CPS1: variants seen among roughly 807,000 people sequenced by gnomAD.
CPS1 encodes carbamoyl-phosphate synthase [ammonia], mitochondrial.
In CPS1, 109 loss-of-function variants were observed where a neutral mutation model predicts 174.6. That is an observed-to-expected ratio of 0.62 (90% CI 0.53 to 0.73). The LOEUF is 0.73. Among genes scored for constraint, CPS1 ranks in the 30% least tolerant of loss-of-function variants. The probability of loss-of-function intolerance (pLI) is 0.00; values close to 1 mark genes in which losing one functional copy is unlikely to be tolerated. For missense variants in CPS1, 1,689 were observed against 1,821.9 expected (o/e 0.93, Z 1.33); for synonymous variants, 637 against 632.0 (o/e 1.01, Z -0.12).
At chr2:210,587,627 C>T (rs1159118967) in intron 6 of CPS1, among the ~76,000 whole-genome samples, 1 of 151,952 alleles carries the variant, frequency 6.6e-6, no homozygotes, top group Non-Finnish European at 1.5e-5. Context: ...TCAGCTTTAC[C>T]CCATTTGATC....
Position 210,631,023 on chromosome 2 carries a change from T to G in CPS1, c.2688-6679T>G, listed in dbSNP as rs1273835302. The stretch of plus-strand genomic sequence containing the variant: ...GTTTTTTTCTGCCTTTTGGAGTGTT[T>G]TTTTTTTTTTTTTAAAGAGGATAAT... On this transcript the variant is annotated intron_variant, in intron 21 of 37. Transcript: ENST00000233072. Among the ~76,000 whole-genome samples the G allele has an allele frequency of 2.0e-3, 303 of 149,256 alleles. 3 individuals are homozygous for G. The highest frequency in any genetic ancestry group is 2.4e-3 in the East Asian group (12 of 5,066).
At chr2:210,610,916 A>G (rs1699093622) in intron 19 of CPS1, among the ~76,000 whole-genome samples, 1 of 151,866 alleles carries the variant, frequency 6.6e-6, no homozygotes, top group Admixed American at 6.6e-5. Context: ...ATGGAGAGTT[A>G]CTTATAGAAC....
At chr2:210,647,839 T>G (rs1700427440) in intron 25 of CPS1, 24 bp from the exon 26 acceptor site, 2 of 1,612,752 alleles carry the variant, frequency 1.2e-6, no homozygotes, top group African/African-American at 1.3e-5. Context: ...TTCCAATGGC[T>G]GATATTGTGA....
intron 21 of CPS1, chr2:210,618,544 A>C (rs1394971799): frequency 1.3e-5 from 2 of 152,078 alleles, no homozygotes; most frequent in South Asian, 2.1e-4. Context: ...TTTCTTTTTG[A>C]AGTGTCATTG....
intron 33 of CPS1, among the ~76,000 whole-genome samples, chr2:210,666,444 G>T (rs1701100085): frequency 6.6e-6 from 1 of 151,650 alleles, no homozygotes; most frequent in Non-Finnish European, 1.5e-5. Context: ...TTCTTCTAGG[G>T]TTTTTATGGT....
intron 1 of CPS1, among the ~76,000 whole-genome samples, chr2:210,551,436 T>C (rs546264991): frequency 6.6e-6 from 1 of 152,156 alleles, no homozygotes; most frequent in Admixed American, 6.6e-5. Context: ...CTAACATGTC[T>C]ACTTGGTCTG....
intron 21 of CPS1, among the ~76,000 whole-genome samples, chr2:210,627,659 C>T (rs960014750): frequency 1.3e-5 from 2 of 152,198 alleles, no homozygotes; most frequent in Admixed American, 6.5e-5. Context: ...CGAGAGCACT[C>T]TCTCTCTAGA....
At chr2:210,556,242 A>C (rs1185825939), upstream of CPS1, 2 of 419,934 alleles carry the variant, frequency 4.8e-6, no homozygotes, top group African/African-American at 2.1e-5. Flanking sequence ...CCCAACAGAA[A>C]ATGGCAAGCG....
intron 13 of CPS1, among the ~76,000 whole-genome samples, chr2:210,597,365 A>G (rs1238379272): frequency 4.0e-5 from 6 of 151,888 alleles, no homozygotes; most frequent in Non-Finnish European, 2.9e-5. Flanking sequence ...GAGCCCTAAT[A>G]TTGCCACTTA....
intron 21 of CPS1, among the ~76,000 whole-genome samples, chr2:210,633,433 G>A (rs559677909): frequency 1.3e-5 from 2 of 151,966 alleles, no homozygotes; most frequent in Non-Finnish European, 2.9e-5. Context: ...TTTATTAGTA[G>A]GTAGAGGCAG....
chr2:210,589,982 T>C (rs1359191590), intron 7 of CPS1, 124 bp from the exon 8 acceptor site: 8 of 1,342,154 alleles, frequency 6.0e-6, no homozygotes, highest in Non-Finnish European at 8.4e-6. Flanking sequence ...GCATTATTTA[T>C]TTTAAATGTT....
In CPS1 at chr2:210,660,641, T is replaced by C; in HGVS notation, c.3913T>C (p.Tyr1305His). The change falls in exon 32 of 38, where the codon TAT becomes CAT. Residue 1305 changes from tyrosine to histidine, a missense_variant. Transcript: ENST00000233072. ...TLDHPIIPAD[Y>H]VAIKAPMFSW... Reference sequence around the variant, plus strand: ...GGACCATCCCATAATTCCTGCTGACTATGTTGCAATTAAGGTAACATTTTC... The same window carrying C: ...GGACCATCCCATAATTCCTGCTGACCATGTTGCAATTAAGGTAACATTTTC... The C allele has an allele frequency of 6.2e-7, 1 of 1,614,116 alleles. No individual in the cohort carries two copies. Among genetic ancestry groups the C allele is most frequent in the Non-Finnish European group, 8.5e-7 (1 of 1,179,962 alleles).
intron 1 of CPS1, among the ~76,000 whole-genome samples, chr2:210,547,002 G>C (rs895837582): frequency 6.6e-6 from 1 of 152,120 alleles, no homozygotes; most frequent in Admixed American, 6.6e-5. Flanking sequence ...AAAGAACACC[G>C]TAGTATAACT....
intron 1 of CPS1, among the ~76,000 whole-genome samples, chr2:210,504,356 T>A (rs372077977): frequency 2.0e-4 from 30 of 152,246 alleles, no homozygotes; most frequent in Admixed American, 1.6e-3. Flanking sequence ...AAGTCTTTTT[T>A]AAATTTTACA....
chr2:210,656,692 G>GT, intron 30 of CPS1, 60 bp downstream of exon 30: 14 of 1,132,244 alleles, frequency 1.2e-5, no homozygotes, highest in East Asian at 2.4e-5. Flanking sequence ...AAACACCTAA[G>GT]GTTTTTTTTT....
At chr2:210,558,111 G>A (rs974320803) in intron 1 of CPS1, among the ~76,000 whole-genome samples, 1 of 151,954 alleles carries the variant, frequency 6.6e-6, no homozygotes, top group East Asian at 1.9e-4. Flanking sequence ...CCTTAGTGGT[G>A]TGTTAACAAC....
intron 1 of CPS1, among the ~76,000 whole-genome samples, chr2:210,493,050 C>T (rs1694910102): frequency 2.0e-5 from 3 of 152,052 alleles, no homozygotes; most frequent in South Asian, 2.1e-4. Context: ...CTAATAATAC[C>T]GTGTTTTGGT....
At chr2:210,676,036 C>T (rs947182871) in intron 36 of CPS1, among the ~76,000 whole-genome samples, 196 bp downstream of exon 36, 4 of 152,176 alleles carry the variant, frequency 2.6e-5, no homozygotes, top group Non-Finnish European at 5.9e-5. Context: ...TGATATGAAA[C>T]GTGTTTCAAA....
At chr2:210,612,003 A>T in intron 19 of CPS1, 114 bp from the exon 20 acceptor site, 1 of 886,188 alleles carries the variant, frequency 1.1e-6, no homozygotes, top group Non-Finnish European at 1.8e-6. Context: ...AGGCTTTATG[A>T]TATATTTTTT....
Sources: gnomAD v4.1 joint callset for allele counts (sites outside exome capture counted in the v4.1 genomes callset) on GRCh38, gnomAD v4.1.1 for gene constraint, MANE v1.5 for transcripts, NCBI Gene and HGNC (gene_info 2026-07-23, HGNC 2026-07-21) for gene names.